Variants in ARB2A observed in about 807,000 individuals in gnomAD.
The protein encoded by ARB2A is cotranscriptional regulator ARB2A.
At chr5:93,703,659 G>A in the ARB2A span, among the ~76,000 whole-genome samples, 1 of 152,214 alleles carries the variant, frequency 6.6e-6, no homozygotes, top group Admixed American at 6.5e-5. Context: ...ACTAAATGAT[G>A]TACTGTAGTT....
chr5:93,880,509 T>G, the ARB2A span, among the ~76,000 whole-genome samples: 1 of 151,802 alleles, frequency 6.6e-6, no homozygotes, highest in Non-Finnish European at 1.5e-5. Flanking sequence ...TATCCTATTG[T>G]ATAATTTATA....
At chr5:93,897,851 T>C in the ARB2A span, among the ~76,000 whole-genome samples, 1 of 151,496 alleles carries the variant, frequency 6.6e-6, no homozygotes, top group Admixed American at 6.6e-5. Flanking sequence ...CAATACAAAA[T>C]GTATAAGGCA....
the ARB2A span, among the ~76,000 whole-genome samples, chr5:93,957,021 A>AT: frequency 2.0e-5 from 3 of 152,252 alleles, no homozygotes; most frequent in South Asian, 4.1e-4. Flanking sequence ...ATGAATTGCC[A>AT]TTTTTTTAAG....
At chr5:93,895,026 T>A in the ARB2A span, among the ~76,000 whole-genome samples, 1 of 152,158 alleles carries the variant, frequency 6.6e-6, no homozygotes, top group Non-Finnish European at 1.5e-5. Flanking sequence ...GGAAGGGAAT[T>A]GATAATAAAG....
the ARB2A span, among the ~76,000 whole-genome samples, chr5:94,027,792 G>A: frequency 1.2e-4 from 19 of 152,166 alleles, no homozygotes; most frequent in Admixed American, 5.9e-4. Flanking sequence ...TAAACCCAAC[G>A]AGGGGGTTCA....
At chr5:93,828,781 T>C in the ARB2A span, among the ~76,000 whole-genome samples, 1 of 152,152 alleles carries the variant, frequency 6.6e-6, no homozygotes, top group Non-Finnish European at 1.5e-5. Flanking sequence ...CCTATATCTA[T>C]TTTTTTATTT....
chr5:93,808,140 A>C, the ARB2A span, among the ~76,000 whole-genome samples: 5 of 152,046 alleles, frequency 3.3e-5, no homozygotes, highest in African/African-American at 9.7e-5. Flanking sequence ...GGCTTCAGAC[A>C]GTAAATATAT....
At chr5:93,906,663 G>A in the ARB2A span, among the ~76,000 whole-genome samples, 1 of 151,452 alleles carries the variant, frequency 6.6e-6, no homozygotes, top group Non-Finnish European at 1.5e-5. Flanking sequence ...TGTAAATAAA[G>A]TCTTACAATT....
At chr5:94,108,241 C>G in the ARB2A span, among the ~76,000 whole-genome samples, 3 of 152,044 alleles carry the variant, frequency 2.0e-5, no homozygotes, top group African/African-American at 7.2e-5. Context: ...GCACAGTCAG[C>G]CATTTAATAT....
the ARB2A span, among the ~76,000 whole-genome samples, chr5:93,666,943 T>C: frequency 1.3e-5 from 2 of 152,230 alleles, no homozygotes; most frequent in Admixed American, 6.5e-5. Flanking sequence ...AGATGTGGTA[T>C]AATTTGTGGT....
chr5:93,707,688 C>T, the ARB2A span, among the ~76,000 whole-genome samples: 3 of 151,214 alleles, frequency 2.0e-5, no homozygotes, highest in African/African-American at 7.3e-5. Flanking sequence ...AATTCTCCTG[C>T]CTCAGCCTCC....
the ARB2A span, among the ~76,000 whole-genome samples, chr5:93,908,746 A>C: frequency 6.6e-6 from 1 of 151,016 alleles, no homozygotes; most frequent in Admixed American, 6.6e-5. Flanking sequence ...TTACCTAATA[A>C]ATTCCATTTT....
the ARB2A span, among the ~76,000 whole-genome samples, chr5:93,869,819 G>A: frequency 1.1e-4 from 16 of 152,070 alleles, no homozygotes; most frequent in African/African-American, 3.9e-4. Context: ...CCCCCTGCCC[G>A]CAAAACATTG....
the ARB2A span, among the ~76,000 whole-genome samples, chr5:94,029,969 G>A: frequency 6.6e-6 from 1 of 152,172 alleles, no homozygotes; most frequent in Non-Finnish European, 1.5e-5. Context: ...AGCAAGGGGT[G>A]TCTTACGTGG....
At chr5:93,871,716 T>C in the ARB2A span, among the ~76,000 whole-genome samples, 1 of 152,308 alleles carries the variant, frequency 6.6e-6, no homozygotes, top group Non-Finnish European at 1.5e-5. Flanking sequence ...CATAAAATGC[T>C]ATTTATGTCA....
At chr5:93,700,229 T>C in the ARB2A span, among the ~76,000 whole-genome samples, 1 of 152,168 alleles carries the variant, frequency 6.6e-6, no homozygotes. Context: ...TACATGCATA[T>C]ATCTTTACTG....
the ARB2A span, among the ~76,000 whole-genome samples, chr5:93,791,001 T>C: frequency 6.6e-6 from 1 of 152,170 alleles, no homozygotes; most frequent in Non-Finnish European, 1.5e-5. Flanking sequence ...ACCTTGACAT[T>C]CATCTCTAAT....
chr5:93,824,165 G>A, the ARB2A span: 2 of 1,587,660 alleles, frequency 1.3e-6, no homozygotes, highest in Non-Finnish European at 1.7e-6. Context: ...ACAAAAGCAA[G>A]TCCTCCATAG....
At chr5:93,943,974 AACTTTC>A in the ARB2A span, among the ~76,000 whole-genome samples, 1 of 152,342 alleles carries the variant, frequency 6.6e-6, no homozygotes, top group African/African-American at 2.4e-5. Context: ...ACTCTAACTC[AACTTTC>A]AAAGCATTCA....
Sources: allele counts gnomAD v4.1 joint callset (sites outside exome capture counted in the v4.1 genomes callset), GRCh38; gene constraint gnomAD v4.1.1; transcripts MANE v1.5; gene names NCBI Gene and HGNC (gene_info 2026-07-23, HGNC 2026-07-21).